Variants in DHX57 observed in about 807,000 individuals in gnomAD.
DHX57 encodes the protein DExH-box helicase 57.
Under a neutral mutation model 156.2 loss-of-function variants are expected in DHX57, and 105 were observed. The ratio of observed to expected loss-of-function variants is 0.67; its 90% confidence interval spans 0.57 to 0.79. DHX57 has a LOEUF of 0.79. DHX57 is among the 30% of genes least tolerant of loss of function. DHX57 has a pLI of 0.00. For missense variants in DHX57, 1,847 were observed against 1,661.9 expected, an observed-to-expected ratio of 1.11 and a Z score of -1.94; for synonymous variants, 704 against 595.6, an observed-to-expected ratio of 1.18 and a Z score of -2.65.
rs145424124 is a variant in DHX57 at position 38,862,266 on chromosome 2, C to T, written c.451G>A (p.Ala151Thr). The T allele has an allele frequency of 1.2e-5, 20 of 1,613,286 alleles. No individual in the cohort carries two copies. The African/African-American group carries it at 2.5e-4, about 20-fold the overall frequency. ...GGAACGAGGGAAGGTTCCTGTCCAG[C>T]TGGCCAGTACCGCTCATCGTTACAG... ...DCCNDERYWP[A>T]GQEPSLVPDL... is the part of the protein sequence containing the mutation. Residue 151 changes from alanine to threonine, a missense_variant, in exon 4 of 24, where the codon GCT (alanine) becomes ACT (threonine). By Grantham distance (58) the Ala-to-Thr change is moderately conservative. Coordinates refer to ENST00000457308, the MANE Select transcript of DHX57 (RefSeq NM_198963.3).
intron 6 of DHX57, among the ~76,000 whole-genome samples, chr2:38,857,605 C>T (rs749191848): frequency 1.3e-5 from 2 of 152,152 alleles, no homozygotes; most frequent in Non-Finnish European, 2.9e-5. Flanking sequence ...ATCAGACTCA[C>T]AGAACTTTAG....
chr2:38,797,889 G>A lies in DHX57; in HGVS notation c.*410C>T, dbSNP rs1157148105. ...TCTGACTTCTCTCAGTCGAGCCTTGGCGACAGGAAAAGAAAAAAAAAAAAG... is the reference window on the plus strand; with the variant it reads ...TCTGACTTCTCTCAGTCGAGCCTTGACGACAGGAAAAGAAAAAAAAAAAAG... On this transcript the variant is annotated 3_prime_UTR_variant, in exon 24 of 24. Coordinates refer to ENST00000457308, the MANE Select transcript of DHX57 (RefSeq NM_198963.3). The A allele has an allele frequency of 8.5e-6, 1 of 117,650 alleles. No homozygotes were observed. Among genetic ancestry groups the A allele is most frequent in the Admixed American group, 1.3e-4 (1 of 7,778 alleles). 7.3% of individuals were successfully genotyped at this position (117,650 alleles called of 1,614,324 possible). A position where few individuals can be genotyped will look rare whatever the true frequency, so the allele number is the denominator to read the frequency against.
intron 2 of DHX57, among the ~76,000 whole-genome samples, chr2:38,864,196 T>C (rs1483819926): frequency 6.7e-6 from 1 of 149,376 alleles, no homozygotes; most frequent in East Asian, 2.0e-4. Context: ...TCCTTGTGAA[T>C]ATTAAGGCCC....
rs551315032 is a variant in DHX57, at chr2:38,863,670, T to C, written c.225-151A>G. 6.5e-6 allele frequency: 5 copies of C among 770,910 alleles called. No individual in the cohort carries two copies. The East Asian group carries it at 1.3e-4, about 21-fold the overall frequency. The allele number at this position is 770,910 out of a possible 1,614,324, so 47.8% of individuals were successfully genotyped here. A position where few individuals can be genotyped will look rare whatever the true frequency, so the allele number is the denominator to read the frequency against. ...GAATGTGAGGAGATTCTCCATTTTCTATAGTATTTACCAGACTTCATTATA... is the reference window on the plus strand; with the variant it reads ...GAATGTGAGGAGATTCTCCATTTTCCATAGTATTTACCAGACTTCATTATA... On this transcript the variant is annotated intron_variant, in intron 2 of 23. Transcript: ENST00000457308.
Position 38,868,268 on chromosome 2 carries a change from TCCACCA to T in DHX57, c.132_137del (p.Gly48_Gly49del). On this transcript the variant is annotated inframe_deletion, in exon 2 of 24. Coordinates refer to ENST00000457308, the MANE Select transcript of DHX57 (RefSeq NM_198963.3). ...TGGAGGCCTTTCTGTTGCCGCCACC[TCCACCA>T]CCACCACCACCGCCACCGCCACCAC... 5 of 1,611,000 alleles carry T rather than the reference TCCACCA, an allele frequency of 3.1e-6. No homozygotes were observed. The highest frequency in any genetic ancestry group is 2.5e-6 in the Non-Finnish European group (3 of 1,177,934).
At chr2:38,836,263 C>G (rs1234816241) in intron 13 of DHX57, among the ~76,000 whole-genome samples, 1 of 152,034 alleles carries the variant, frequency 6.6e-6, no homozygotes, top group East Asian at 1.9e-4. Context: ...GCGTGCCTGC[C>G]TCTTCTGCCT....
rs189609317 is a variant in DHX57, at chr2:38,837,349, G to A, written c.2542+482C>T. On this transcript the variant is annotated intron_variant, in intron 13 of 23. Coordinates refer to ENST00000457308, the MANE Select transcript of DHX57 (RefSeq NM_198963.3). Reference sequence around the variant, plus strand: ...GACTAGGCCGGGCACGGTGGCTCACGCCAATAATCCCAGCACTTTGGGAGG... The same window carrying A: ...GACTAGGCCGGGCACGGTGGCTCACACCAATAATCCCAGCACTTTGGGAGG... 5.1e-3 allele frequency among the ~76,000 whole-genome samples: 780 copies of A among 152,030 alleles called. 4 individuals are homozygous for A. The highest frequency in any genetic ancestry group is 0.01 in the Middle Eastern group (3 of 292).
intron 13 of DHX57, among the ~76,000 whole-genome samples, chr2:38,832,334 G>T (rs1171143801): frequency 6.6e-6 from 1 of 151,874 alleles, no homozygotes; most frequent in East Asian, 2.0e-4. Context: ...CAGCTACACG[G>T]GAGGCTGAGG....
chr2:38,862,334 C>G lies in DHX57; in HGVS notation c.384-1G>C. On this transcript the variant is annotated splice_acceptor_variant, in intron 3 of 23. Coordinates refer to ENST00000457308, the MANE Select transcript of DHX57 (RefSeq NM_198963.3). LOFTEE classifies it high-confidence loss of function. ...TTCCTCCTCCCCAGAAAGGCCTCTT[C>G]TAGCAAAGGCAACATTTTCATATAT... is the stretch of plus-strand genomic sequence containing the variant. The G allele has an allele frequency of 6.4e-7, 1 of 1,559,106 alleles. No individual in the cohort carries two copies. The highest frequency in any genetic ancestry group is 8.7e-7 in the Non-Finnish European group (1 of 1,148,400).
chr2:38,867,612 G>T (rs1665145281), intron 2 of DHX57, among the ~76,000 whole-genome samples: 1 of 152,156 alleles, frequency 6.6e-6, no homozygotes, highest in South Asian at 2.1e-4. Context: ...AGGCTGGAGT[G>T]CAGTGGTGTG....
At chr2:38,812,872 G>A (rs1259161572) in intron 21 of DHX57, among the ~76,000 whole-genome samples, 3 of 146,986 alleles carry the variant, frequency 2.0e-5, no homozygotes, top group Non-Finnish European at 4.5e-5. Context: ...TTTTGAGACA[G>A]AGTCTCGGTC....
At chr2:38,829,321 G>A (rs1437378791) in intron 13 of DHX57, among the ~76,000 whole-genome samples, 1 of 138,970 alleles carries the variant, frequency 7.2e-6, no homozygotes, top group East Asian at 2.2e-4. Context: ...TTGCTCTGTT[G>A]CCCAGGCTGA....
In DHX57 at chr2:38,863,830, T is replaced by C. The variant is rs576589036; in HGVS notation, c.225-311A>G. Among the ~76,000 whole-genome samples, 368 of 152,068 alleles carry C rather than the reference T, an allele frequency of 2.4e-3. 1 individual carries two copies. Among genetic ancestry groups the C allele is most frequent in the African/African-American group, 8.4e-3 (350 of 41,500 alleles). On this transcript the variant is annotated intron_variant, in intron 2 of 23. Transcript: ENST00000457308. ...GAGTTTCAGACCAGCCTGGCCAACA[T>C]GGTGAAATGCTGTCTCTACTAAAAA...
intron 3 of DHX57, chr2:38,862,789 C>T (rs72797376): frequency 0.088 from 13,602 of 154,300 alleles, 677 homozygotes; most frequent in African/African-American, 0.14. Context: ...TGTTTTGCTA[C>T]ATAATCTCCC....
chr2:38,861,989 C>T (rs575177814), intron 4 of DHX57, 152 bp from the exon 5 acceptor site: 31 of 1,218,234 alleles, frequency 2.5e-5, no homozygotes, highest in Non-Finnish European at 3.4e-6. Context: ...AATAAGCCCC[C>T]CTGAATGACC....
intron 12 of DHX57, among the ~76,000 whole-genome samples, chr2:38,839,847 C>A (rs957612099): frequency 2.0e-5 from 3 of 152,012 alleles, no homozygotes; most frequent in Non-Finnish European, 4.4e-5. Context: ...AAAGGTGGAG[C>A]AGAATCACTT....
At chr2:38,815,833 C>G (rs774153079) in intron 19 of DHX57, 178 bp from the exon 20 acceptor site, 2 of 708,486 alleles carry the variant, frequency 2.8e-6, no homozygotes, top group Non-Finnish European at 4.6e-6. Context: ...GCAGCTTTCA[C>G]TTACGCAAAC....
rs1219042439 is a variant in DHX57 at position 38,798,139 on chromosome 2, T to C, written c.*160A>G. The C allele has an allele frequency of 1.2e-6, 1 of 842,346 alleles. No homozygotes were observed. The highest frequency in any genetic ancestry group is 1.7e-5 in the African/African-American group (1 of 58,578). The allele number at this position is 842,346 out of a possible 1,614,324, so 52.2% of individuals were successfully genotyped here. ...GCCAAGGCTTTGTTAGAAATGGCCC[T>C]AAGGGTATATACACTGCCTCAGCTG... On this transcript the variant is annotated 3_prime_UTR_variant, in exon 24 of 24. Coordinates refer to ENST00000457308, the MANE Select transcript of DHX57 (RefSeq NM_198963.3).
At chr2:38,839,549 T>C (rs1197784856) in intron 12 of DHX57, among the ~76,000 whole-genome samples, 1 of 116,178 alleles carries the variant, frequency 8.6e-6, no homozygotes, top group Non-Finnish European at 1.8e-5. Context: ...CCATCTCTAC[T>C]AAAAATACAA....
Sources: allele counts gnomAD v4.1 joint callset (sites outside exome capture counted in the v4.1 genomes callset), GRCh38; gene constraint gnomAD v4.1.1; transcripts MANE v1.5; gene names NCBI Gene and HGNC (gene_info 2026-07-23, HGNC 2026-07-21).